RNF145: variants seen among roughly 807,000 people sequenced by gnomAD.
RNF145 encodes ring finger protein 145.
A neutral mutation model predicts 57.3 loss-of-function variants in RNF145; 12 were observed. The ratio of observed to expected loss-of-function variants is 0.21; its 90% CI spans 0.13 to 0.34. The LOEUF is 0.34. RNF145 is among the 10% of genes least tolerant of loss of function. RNF145 has a pLI of 1.00. For missense variants in RNF145, 429 were observed against 799.0 expected (o/e 0.54, Z 5.58); for synonymous variants, 262 against 288.3 (o/e 0.91, Z 0.92).
rs908743810 is a variant in RNF145, at chr5:159,158,809, G to A, written c.1853C>T (p.Pro618Leu). Reference sequence around the variant, plus strand: ...GGAACCTTCCTGTATCCTGGTCCCTGGAGTATGCTCCTGGCCTGGGGGTTC... The same window carrying A: ...GGAACCTTCCTGTATCCTGGTCCCTAGAGTATGCTCCTGGCCTGGGGGTTC... Reference protein sequence around the residue: ...GTEPPGQEHTPGTRIQEGSRD... With the variant: ...GTEPPGQEHTLGTRIQEGSRD... Residue 618 changes from proline to leucine, a missense_variant, in exon 11 of 11, where the codon CCA becomes CTA. Coordinates refer to ENST00000424310, the MANE Select transcript of RNF145 (RefSeq NM_001199383.2). The A allele has an allele frequency of 1.9e-6, 3 of 1,613,938 alleles. No homozygotes were observed. The highest frequency in any genetic ancestry group is 1.7e-6 in the Non-Finnish European group (2 of 1,179,862).
chr5:159,203,790 AACT>A, intron 1 of RNF145, 134 bp from the exon 2 acceptor site: 1 of 613,482 alleles, frequency 1.6e-6, no homozygotes, highest in East Asian at 2.7e-5. Context: ...TCTCAGCCAC[AACT>A]ACTATTTTTA....
chr5:159,208,220 C>G (rs1785970581), intron 1 of RNF145: 4 of 1,260,898 alleles, frequency 3.2e-6, no homozygotes, highest in Non-Finnish European at 4.1e-6. Flanking sequence ...GTAGCAGCAG[C>G]AACCGGGCCG....
intron 4 of RNF145, 45 bp from the exon 5 acceptor site, chr5:159,176,912 C>T (rs1195477946): frequency 8.4e-7 from 1 of 1,191,378 alleles, no homozygotes; most frequent in Non-Finnish European, 1.2e-6. Context: ...TATTTGGCAT[C>T]CACAAAATAA....
chr5:159,163,116 C>A, intron 8 of RNF145, 37 bp from the exon 9 acceptor site: 2 of 1,558,770 alleles, frequency 1.3e-6, no homozygotes, highest in South Asian at 1.2e-5. Flanking sequence ...TAAGTGCCTG[C>A]CACCTAGTAG....
chr5:159,191,209 A>G (rs1048266642), intron 3 of RNF145, among the ~76,000 whole-genome samples: 3 of 152,184 alleles, frequency 2.0e-5, no homozygotes, highest in African/African-American at 7.2e-5. Context: ...CTACAATTTC[A>G]AAGAAGTAAC....
Position 159,176,786 on chromosome 5 carries a change from A to G in RNF145, c.467T>C (p.Leu156Pro), listed in dbSNP as rs1256283229. 6.2e-7 allele frequency: 1 copy of G among 1,612,746 alleles called. No homozygotes were observed. The highest frequency in any genetic ancestry group is 1.7e-5 in the Admixed American group (1 of 59,864). ...AGGAACAAGGCAGAGTCGTGCTAGC[A>G]GAGGAAGCATGTGAGCTGAAAACAG... Reference protein sequence around the residue: ...IWLFSAHMLPLLARLCLVPLE... With the variant: ...IWLFSAHMLPPLARLCLVPLE... Residue 156 changes from leucine to proline, a missense_variant, in exon 5 of 11, where the codon CTG becomes CCG. Leu to Pro is a moderately conservative substitution (Grantham distance 98). Transcript: ENST00000424310.
rs1217945107 is a variant in RNF145, at chr5:159,174,033, A to G, written c.747T>C (p.Thr249=). 4 of 1,613,670 alleles carry G rather than the reference A, an allele frequency of 2.5e-6. No individual in the cohort carries two copies. Among genetic ancestry groups the G allele is most frequent in the South Asian group, 2.2e-5 (2 of 91,040 alleles). ...TCTCACGTGATGCAGGCTGATCTCG[A>G]GTACTGAAATAGGAGTAAATCTGAA... ...FALQIYSYFS[T]RDQPASRERL... Residue 249 remains threonine (T), a synonymous_variant, in exon 6 of 11, where the codon ACT becomes ACC. Coordinates refer to ENST00000424310, the MANE Select transcript of RNF145 (RefSeq NM_001199383.2).
chr5:159,189,612 T>C (rs1785214195), intron 3 of RNF145, among the ~76,000 whole-genome samples: 2 of 152,122 alleles, frequency 1.3e-5, no homozygotes, highest in Admixed American at 6.5e-5. Flanking sequence ...CCAAGGAAAA[T>C]AAAACATTTG....
intron 5 of RNF145, 87 bp downstream of exon 5, chr5:159,176,545 T>C: frequency 2.5e-6 from 2 of 812,214 alleles, no homozygotes; most frequent in Admixed American, 2.6e-5. Context: ...GTACCATAAC[T>C]GTGAAATAAA....
At chr5:159,208,882 G>A (rs527859675) in intron 1 of RNF145, among the ~76,000 whole-genome samples, 1 of 148,888 alleles carries the variant, frequency 6.7e-6, no homozygotes, top group South Asian at 2.2e-4. Flanking sequence ...GTAAGGGAGC[G>A]CTCCAGGCCC....
At chr5:159,170,053 C>G (rs138495838) in intron 6 of RNF145, among the ~76,000 whole-genome samples, 26 of 152,306 alleles carry the variant, frequency 1.7e-4, no homozygotes, top group African/African-American at 6.0e-4. Flanking sequence ...AGCACCAGAT[C>G]TGAAACAAGG....
chr5:159,196,669 G>C (rs1050916374), intron 2 of RNF145, among the ~76,000 whole-genome samples: 6 of 152,146 alleles, frequency 3.9e-5, no homozygotes, highest in Non-Finnish European at 7.4e-5. Context: ...AAAAGCCAGA[G>C]ATAAGTATTT....
chr5:159,162,898 G>A (rs774536263), intron 9 of RNF145, 34 bp downstream of exon 9: 2 of 1,537,332 alleles, frequency 1.3e-6, no homozygotes, highest in Non-Finnish European at 1.7e-6. Context: ...AACAAAATTG[G>A]TTATTATATA....
At chr5:159,181,902 A>G (rs1045214134) in intron 4 of RNF145, 58 bp downstream of exon 4, 3 of 981,514 alleles carry the variant, frequency 3.1e-6, no homozygotes, top group Admixed American at 2.1e-5. Context: ...CATGAATTTT[A>G]TAAGTTAGTA....
intron 4 of RNF145, among the ~76,000 whole-genome samples, chr5:159,177,745 T>C (rs1428067128): frequency 6.6e-6 from 1 of 152,020 alleles, no homozygotes; most frequent in African/African-American, 2.4e-5. Context: ...CAGCAACAAT[T>C]TACCAGTGTA....
intron 10 of RNF145, chr5:159,161,004 A>G (rs1329784045): frequency 2.9e-6 from 1 of 345,686 alleles, no homozygotes; most frequent in East Asian, 5.7e-5. Context: ...AATGCACCTG[A>G]CCTGTTTTTC....
intron 3 of RNF145, among the ~76,000 whole-genome samples, chr5:159,187,009 G>C (rs1785087536): frequency 6.6e-6 from 1 of 150,392 alleles, no homozygotes; most frequent in East Asian, 2.0e-4. Flanking sequence ...AGTTGGGCGT[G>C]GTAGCTCATG....
chr5:159,161,093 G>C (rs1487561822), intron 10 of RNF145, 173 bp downstream of exon 10: 2 of 532,350 alleles, frequency 3.8e-6, no homozygotes, highest in African/African-American at 3.9e-5. Context: ...ACTTAATTTA[G>C]AAATAAAATG....
chr5:159,187,018 T>C (rs934993543), intron 3 of RNF145, among the ~76,000 whole-genome samples: 5 of 151,428 alleles, frequency 3.3e-5, no homozygotes, highest in African/African-American at 9.7e-5. Context: ...TGGTAGCTCA[T>C]GCCTGTAATC....
Sources: gnomAD v4.1 joint callset for allele counts (sites outside exome capture counted in the v4.1 genomes callset) on GRCh38, gnomAD v4.1.1 for gene constraint, MANE v1.5 for transcripts, NCBI Gene and HGNC (gene_info 2026-07-23, HGNC 2026-07-21) for gene names.